SPIDR: variants seen among roughly 807,000 people sequenced by gnomAD.
SPIDR encodes the protein scaffold protein involved in DNA repair.
Under a neutral mutation model 104.6 loss-of-function variants are expected in SPIDR, and 93 were observed. The ratio of observed to expected loss-of-function variants is 0.89; its 90% CI spans 0.75 to 1.06. SPIDR has a LOEUF of 1.06. Ranked by LOEUF, SPIDR falls within the 50% of genes least tolerant of loss-of-function variation. The probability of loss-of-function intolerance (pLI) is 0.00; values close to 1 mark genes in which losing one functional copy is unlikely to be tolerated. For missense variants in SPIDR, 1,154 were observed against 1,111.2 expected (o/e 1.04, Z -0.55); for synonymous variants, 431 against 416.9 (o/e 1.03, Z -0.41).
At chr8:47,505,213 A>G (rs977687724) in intron 8 of SPIDR, among the ~76,000 whole-genome samples, 3 of 152,116 alleles carry the variant, frequency 2.0e-5, no homozygotes, top group African/African-American at 7.2e-5. Flanking sequence ...TTGTTTGGCT[A>G]TGTCCTGCCC....
rs970484629 is a variant in SPIDR at position 47,276,958 on chromosome 8, C to T, written c.34-2904C>T. 236 of 132,888 alleles carry T rather than the reference C, an allele frequency of 1.8e-3. 1 individual carries two copies. The highest frequency in any genetic ancestry group is 6.4e-3 in the African/African-American group (228 of 35,788). The allele number at this position is 132,888 out of a possible 1,614,324, so 8.2% of individuals were successfully genotyped here. A position where few individuals can be genotyped will look rare whatever the true frequency, so the allele number is the denominator to read the frequency against. On this transcript the variant is annotated intron_variant, in intron 1 of 19. Coordinates refer to ENST00000297423, the MANE Select transcript of SPIDR (RefSeq NM_001080394.4). ...TTTTTTTTTTTTCGAGACAGAGTTT[C>T]ACTCTTGTTTCCCAGGCTGGAGTGC...
intron 8 of SPIDR, among the ~76,000 whole-genome samples, chr8:47,524,313 A>T (rs2084644450): frequency 6.6e-6 from 1 of 152,178 alleles, no homozygotes; most frequent in Admixed American, 6.5e-5. Context: ...TCTTCTCCTA[A>T]ACCAGTTTAG....
At chr8:47,398,074 G>A (rs1322720146) in intron 6 of SPIDR, among the ~76,000 whole-genome samples, 1 of 152,158 alleles carries the variant, frequency 6.6e-6, no homozygotes, top group Non-Finnish European at 1.5e-5. Flanking sequence ...GAGGCCTTAT[G>A]CCCAAAGCGA....
chr8:47,454,093 G>T (rs1231656506), intron 8 of SPIDR, among the ~76,000 whole-genome samples: 1 of 152,156 alleles, frequency 6.6e-6, no homozygotes, highest in African/African-American at 2.4e-5. Flanking sequence ...TCTAGAACTA[G>T]AATTACCATT....
chr8:47,290,228 A>C (rs2039660611), intron 3 of SPIDR, among the ~76,000 whole-genome samples: 1 of 152,192 alleles, frequency 6.6e-6, no homozygotes, highest in African/African-American at 2.4e-5. Context: ...TTTTTAGTAG[A>C]GACAGGGTTT....
At chr8:47,359,527 C>G (rs1217588952) in intron 5 of SPIDR, among the ~76,000 whole-genome samples, 1 of 152,056 alleles carries the variant, frequency 6.6e-6, no homozygotes, top group Non-Finnish European at 1.5e-5. Context: ...TATGAGTCAC[C>G]TTTTCTGCAG....
At chr8:47,666,606 A>G (rs1449674564) in intron 10 of SPIDR, among the ~76,000 whole-genome samples, 2 of 152,176 alleles carry the variant, frequency 1.3e-5, no homozygotes, top group African/African-American at 4.8e-5. Context: ...AAATAGGGAT[A>G]ATAATAGCCT....
chr8:47,294,805 A>G (rs2154240994), intron 5 of SPIDR, among the ~76,000 whole-genome samples: 1 of 151,976 alleles, frequency 6.6e-6, no homozygotes, highest in South Asian at 2.1e-4. Flanking sequence ...TAATTGTTGT[A>G]TTTTTTGTAT....
chr8:47,538,524 A>G (rs571396804), intron 8 of SPIDR, among the ~76,000 whole-genome samples: 42 of 152,256 alleles, frequency 2.8e-4, no homozygotes, highest in African/African-American at 6.7e-4. Flanking sequence ...AACCTAGACA[A>G]CAGAGTGAGA....
intron 7 of SPIDR, chr8:47,419,117 A>T (rs142807899): frequency 6.6e-6 from 1 of 152,146 alleles, no homozygotes; most frequent in African/African-American, 2.4e-5. Context: ...TGGTATCAGG[A>T]TGATGCTGGC....
intron 8 of SPIDR, among the ~76,000 whole-genome samples, chr8:47,560,947 G>A (rs868377326): frequency 6.6e-6 from 1 of 152,188 alleles, no homozygotes; most frequent in African/African-American, 2.4e-5. Context: ...TCTGGGTGTA[G>A]CGTTAGATTA....
At chr8:47,261,089 A>G (rs1259554535) in intron 1 of SPIDR, 98 bp downstream of exon 1, 24 of 1,188,734 alleles carry the variant, frequency 2.0e-5, no homozygotes, top group Non-Finnish European at 2.4e-5. Flanking sequence ...GGGGTGAGAG[A>G]GGGTGGGCGT....
chr8:47,683,565 C>T (rs1350926149), intron 11 of SPIDR, among the ~76,000 whole-genome samples: 1 of 152,134 alleles, frequency 6.6e-6, no homozygotes, highest in Non-Finnish European at 1.5e-5. Flanking sequence ...ATGCTTAGGA[C>T]TAGGAGTGTT....
intron 7 of SPIDR, among the ~76,000 whole-genome samples, chr8:47,409,327 A>T (rs2063189468): frequency 6.6e-6 from 1 of 152,186 alleles, no homozygotes; most frequent in Non-Finnish European, 1.5e-5. Context: ...TTATTCCTCC[A>T]AGGTCTAATG....
chr8:47,266,670 CTA>C (rs1489917871), intron 1 of SPIDR, among the ~76,000 whole-genome samples: 1 of 152,134 alleles, frequency 6.6e-6, no homozygotes, highest in Non-Finnish European at 1.5e-5. Flanking sequence ...ATGTTTAACT[CTA>C]TAAGAAACTG....
chr8:47,394,618 A>G (rs1183999838), intron 5 of SPIDR, among the ~76,000 whole-genome samples: 1 of 152,194 alleles, frequency 6.6e-6, no homozygotes, highest in Non-Finnish European at 1.5e-5. Context: ...TCCAGTCCCA[A>G]ATGTCAAGAG....
intron 10 of SPIDR, among the ~76,000 whole-genome samples, chr8:47,604,768 G>C (rs75480044): frequency 0.051 from 7,746 of 152,250 alleles, 665 homozygotes; most frequent in African/African-American, 0.18. Context: ...AAGAAAGCTT[G>C]AGAATGCAGT....
chr8:47,360,271 A>AAG (rs398007678), intron 5 of SPIDR, among the ~76,000 whole-genome samples: 1 of 149,780 alleles, frequency 6.7e-6, no homozygotes, highest in African/African-American at 2.4e-5. Flanking sequence ...AAAAAAAAAA[A>AAG]GAAATAGAGG....
At chr8:47,567,780 C>CTTTTTTTTTTTTTTTTTTTTTT (rs35199139) in intron 8 of SPIDR, among the ~76,000 whole-genome samples, 11 of 71,000 alleles carry the variant, frequency 1.5e-4, no homozygotes, top group Non-Finnish European at 2.3e-4. Context: ...TTTTCTTTTT[C>CTTTTTTTTTTTTTTTTTTTTTT]TTTTTTTTTT....
Sources: gnomAD v4.1 joint callset for allele counts (sites outside exome capture counted in the v4.1 genomes callset) on GRCh38, gnomAD v4.1.1 for gene constraint, MANE v1.5 for transcripts, NCBI Gene and HGNC (gene_info 2026-07-23, HGNC 2026-07-21) for gene names.